The following STK32C variants were observed in gnomAD, a reference collection of about 807,000 sequenced individuals.
STK32C encodes the protein serine/threonine kinase 32C.
A neutral mutation model predicts 56.5 loss-of-function variants in STK32C; 31 were observed. That is an observed-to-expected ratio of 0.55 (90% CI 0.41 to 0.74). STK32C has a LOEUF of 0.74. Ranked by LOEUF, STK32C falls within the 30% of genes least tolerant of loss-of-function variation. The probability of loss-of-function intolerance (pLI) is 0.00; values close to 1 mark genes in which losing one functional copy is unlikely to be tolerated. For synonymous variants in STK32C, 309 were observed against 289.4 expected, an observed-to-expected ratio of 1.07 and a Z score of -0.69; for missense variants, 544 against 676.9, an observed-to-expected ratio of 0.80 and a Z score of 2.18.
chr10:132,219,273 C>T (rs1338195203), intron 10 of STK32C, among the ~76,000 whole-genome samples: 3 of 151,456 alleles, frequency 2.0e-5, no homozygotes, highest in Non-Finnish European at 4.4e-5. Flanking sequence ...AACAGTGGGA[C>T]TTTTTTTTTG....
chr10:132,259,402 A>T (rs375466206), intron 1 of STK32C, among the ~76,000 whole-genome samples: 1 of 151,692 alleles, frequency 6.6e-6, no homozygotes, highest in Non-Finnish European at 1.5e-5. Flanking sequence ...GACTGGGTCA[A>T]CGGGGCGGAG....
At chr10:132,296,429 C>T (rs559496796) in intron 1 of STK32C, among the ~76,000 whole-genome samples, 11 of 152,142 alleles carry the variant, frequency 7.2e-5, no homozygotes, top group African/African-American at 1.9e-4. Context: ...TAATGCCAGA[C>T]GGTGACGTAA....
At chr10:132,223,809 C>T (rs2062773361) in intron 8 of STK32C, among the ~76,000 whole-genome samples, 1 of 152,206 alleles carries the variant, frequency 6.6e-6, no homozygotes, top group Non-Finnish European at 1.5e-5. Context: ...ACTCCGAACC[C>T]CCTATGGTGT....
chr10:132,331,056 C>G (rs1424553838), intron 1 of STK32C, among the ~76,000 whole-genome samples: 1 of 151,364 alleles, frequency 6.6e-6, no homozygotes, highest in African/African-American at 2.4e-5. Context: ...CAAAAATTAG[C>G]TGGACGTGGT....
At chr10:132,310,727 G>A (rs2066203281), upstream of STK32C, among the ~76,000 whole-genome samples, 1 of 152,234 alleles carries the variant, frequency 6.6e-6, no homozygotes. The surrounding 1 kb of genome is among the most constrained non-coding windows in gnomAD (Gnocchi z 4.6). Flanking sequence ...ACAGATAAAT[G>A]CATTCAGTGC....
chr10:132,251,247 G>A lies in STK32C; in HGVS notation c.263-5292C>T, dbSNP rs372014790. Among the ~76,000 whole-genome samples the A allele has an allele frequency of 5.3e-5, 8 of 152,208 alleles. No homozygotes were observed. In the East Asian group the frequency reaches 5.8e-4, roughly 11 times the overall value. On this transcript the variant is annotated intron_variant, in intron 1 of 11. Coordinates refer to ENST00000298630, the MANE Select transcript of STK32C (RefSeq NM_173575.4). ...CCCAGTTTCGCCTAGTCCCAAGTCC[G>A]CTCTCATGGGGGCCCGTGGAGGGGG...
intron 1 of STK32C, among the ~76,000 whole-genome samples, chr10:132,257,733 C>A (rs2064174077): frequency 1.3e-5 from 2 of 151,832 alleles, no homozygotes; most frequent in African/African-American, 4.8e-5. Flanking sequence ...TCCCCCCAAC[C>A]CCCACCCTCC....
At chr10:132,311,638 C>G (rs1439429860), upstream of STK32C, among the ~76,000 whole-genome samples, 1 of 152,236 alleles carries the variant, frequency 6.6e-6, no homozygotes, top group Non-Finnish European at 1.5e-5. This position sits in a 1 kb window ranked among gnomAD's most constrained non-coding sequence, Gnocchi z 4.4. Context: ...CTGCAGTGCG[C>G]CGGGGCCGAG....
chr10:132,303,804 G>A (rs1423017350), intron 1 of STK32C, among the ~76,000 whole-genome samples: 2 of 152,220 alleles, frequency 1.3e-5, no homozygotes, highest in Non-Finnish European at 2.9e-5. Context: ...AGGGGAAAAG[G>A]CGATCAAACC....
In STK32C at chr10:132,232,286, G is replaced by T. The variant is rs537748812; in HGVS notation, c.319-4158C>A. ...TGAAGGTGGTTTGGGGTGGTGTGGG[G>T]TTTTCCGTTGAAATGGATTTGATTA... is the stretch of plus-strand genomic sequence containing the variant. On this transcript the variant is annotated intron_variant, in intron 2 of 11. Coordinates refer to ENST00000298630, the MANE Select transcript of STK32C (RefSeq NM_173575.4). 2.0e-5 allele frequency among the ~76,000 whole-genome samples: 3 copies of T among 152,312 alleles called. No homozygotes were observed. The South Asian group carries it at 6.2e-4, about 32-fold the overall frequency.
chr10:132,299,087 G>T (rs1311411580), intron 1 of STK32C, among the ~76,000 whole-genome samples: 1 of 150,454 alleles, frequency 6.6e-6, no homozygotes, highest in Admixed American at 6.6e-5. Context: ...TGAGACCCCA[G>T]CAGCATGGAT....
intron 1 of STK32C, among the ~76,000 whole-genome samples, chr10:132,257,333 C>T (rs905220383): frequency 3.3e-5 from 5 of 152,056 alleles, no homozygotes; most frequent in Admixed American, 6.5e-5. Flanking sequence ...CCTCCCACAC[C>T]CGTGCCACTG....
chr10:132,229,006 T>C (rs1414625214), intron 2 of STK32C, among the ~76,000 whole-genome samples: 1 of 152,192 alleles, frequency 6.6e-6, no homozygotes, highest in African/African-American at 2.4e-5. Flanking sequence ...ACACGGCTAA[T>C]TGCTTAGCAG....
intron 1 of STK32C, among the ~76,000 whole-genome samples, chr10:132,272,826 G>A (rs116171942): frequency 0.021 from 3,186 of 152,154 alleles, 107 homozygotes; most frequent in African/African-American, 0.072. Context: ...ATGTCCTTCC[G>A]GCTGCCAGCA....
intron 5 of STK32C, 44 bp from the exon 6 acceptor site, chr10:132,225,660 T>C (rs573919284): frequency 3.1e-6 from 5 of 1,608,536 alleles, no homozygotes; most frequent in African/African-American, 2.7e-5. Flanking sequence ...GGACCAGAGA[T>C]GCATCCTTGC....
At chr10:132,331,487 C>T (rs1284269917) in exon 1 of STK32C, 2 of 1,612,746 alleles carry the variant, frequency 1.2e-6, no homozygotes, top group Middle Eastern at 1.6e-4. Context: ...CTTACTTCTC[C>T]AAAGAGGACG....
chr10:132,256,044 A>G (rs1349063522), intron 1 of STK32C, among the ~76,000 whole-genome samples: 1 of 152,146 alleles, frequency 6.6e-6, no homozygotes, highest in Non-Finnish European at 1.5e-5. Context: ...AGCTGGCACC[A>G]CCACCCTTCC....
Position 132,307,666 on chromosome 10 carries a change from G to T in STK32C, c.168C>A (p.Arg56=). Residue 56 remains arginine, a synonymous_variant, in exon 1 of 12, where the codon CGC becomes CGA. Coordinates refer to ENST00000298630, the MANE Select transcript of STK32C (RefSeq NM_173575.4). The surrounding 1 kb of genome is among the most constrained non-coding windows in gnomAD (Gnocchi z 4.4). ...TCCACTTGCTCCACTGAAACAGGGG[G>T]CGCGGCTGCGAGCGGACATCGCCCG... ...RDSGDVRSQP[R]PLFQWSKWKK... is the part of the protein sequence containing the mutation. The T allele has an allele frequency of 1.3e-6, 2 of 1,534,870 alleles. No homozygotes were observed. The highest frequency in any genetic ancestry group is 1.7e-6 in the Non-Finnish European group (2 of 1,143,022).
In STK32C at chr10:132,222,918, G is replaced by C. The variant is rs372855912; in HGVS notation, c.1062C>G (p.Ala354=). Residue 354 remains alanine (A), a synonymous_variant, in exon 9 of 12, where the codon GCC becomes GCG. Coordinates refer to ENST00000298630, the MANE Select transcript of STK32C (RefSeq NM_173575.4). ...LQDVQAAPAL[A]GVLWDHLSEK... is the part of the protein sequence containing the mutation. ...CGCTCAGGTGGTCCCACAGCACGCC[G>C]GCCAGCGCCGGGGCTGCCTGCACGT... 3 of 1,560,360 alleles carry C rather than the reference G, an allele frequency of 1.9e-6. No individual in the cohort carries two copies. In the African/African-American group the frequency reaches 4.1e-5, roughly 21 times the overall value.
Sources: gnomAD v4.1 joint callset for allele counts (sites outside exome capture counted in the v4.1 genomes callset) on GRCh38, gnomAD v4.1.1 for gene constraint, Gnocchi (gnomAD v3.1) non-coding constraint, MANE v1.5 for transcripts, NCBI Gene and HGNC (gene_info 2026-07-23, HGNC 2026-07-21) for gene names.